The following SPAG16 variants were observed in gnomAD, a reference collection of about 807,000 sequenced individuals.
SPAG16 encodes the protein sperm associated antigen 16.
SPAG16 carries 86 observed loss-of-function variants against 80.4 expected under a neutral mutation model. That is an observed-to-expected ratio of 1.07 (90% confidence interval 0.90 to 1.28). The LOEUF is 1.28. Among genes scored for constraint, SPAG16 ranks in the 50% most tolerant of loss-of-function variants. SPAG16 has a pLI of 0.00. For missense variants in SPAG16, 870 were observed against 765.3 expected (o/e 1.14, Z -1.61); for synonymous variants, 294 against 265.9 (o/e 1.11, Z -1.03).
chr2:214,278,124 G>T (rs186511412), intron 15 of SPAG16, among the ~76,000 whole-genome samples: 105 of 152,332 alleles, frequency 6.9e-4, no homozygotes, highest in Middle Eastern at 3.4e-3. Flanking sequence ...CACCGAGCCA[G>T]GCGCAGGATG....
intron 12 of SPAG16, among the ~76,000 whole-genome samples, chr2:213,943,485 T>G (rs577102608): frequency 6.6e-6 from 1 of 152,136 alleles, no homozygotes; most frequent in Non-Finnish European, 1.5e-5. Context: ...TTGGGAAACA[T>G]GTTATTGGAC....
chr2:214,215,977 T>C (rs1188688696), intron 15 of SPAG16, among the ~76,000 whole-genome samples: 1 of 152,194 alleles, frequency 6.6e-6, no homozygotes, highest in African/African-American at 2.4e-5. Context: ...AAAGGCCTGA[T>C]AGATACCCAT....
chr2:213,479,094 CTTTTTTTTTTTT>C (rs148476714), intron 9 of SPAG16, among the ~76,000 whole-genome samples: 5 of 94,328 alleles, frequency 5.3e-5, no homozygotes, highest in Non-Finnish European at 5.7e-5. Context: ...CACTGGCTTC[CTTTTTTTTTTTT>C]TTTTTTTTTT....
chr2:214,090,944 C>T (rs1393480661), intron 13 of SPAG16, among the ~76,000 whole-genome samples: 1 of 151,860 alleles, frequency 6.6e-6, no homozygotes, highest in African/African-American at 2.4e-5. Context: ...ATGAACAATC[C>T]AAAATCTCGC....
At chr2:213,632,306 T>G (rs1193262076) in intron 10 of SPAG16, among the ~76,000 whole-genome samples, 1 of 152,188 alleles carries the variant, frequency 6.6e-6, no homozygotes, top group East Asian at 1.9e-4. Flanking sequence ...ATGCTATTGA[T>G]ATTTGTCTGT....
intron 11 of SPAG16, among the ~76,000 whole-genome samples, chr2:213,909,150 C>T (rs1478430639): frequency 6.6e-6 from 1 of 152,116 alleles, no homozygotes; most frequent in Non-Finnish European, 1.5e-5. Flanking sequence ...GAATAAAATA[C>T]TTAGGAATCC....
chr2:213,595,011 G>C (rs192751372), intron 10 of SPAG16, among the ~76,000 whole-genome samples: 1 of 151,724 alleles, frequency 6.6e-6, no homozygotes, highest in Admixed American at 6.6e-5. Flanking sequence ...ATTTATTTTA[G>C]AGGGCTTCCT....
chr2:213,980,095 T>C (rs549832408), intron 12 of SPAG16, among the ~76,000 whole-genome samples: 2 of 151,614 alleles, frequency 1.3e-5, no homozygotes, highest in East Asian at 3.9e-4. Context: ...TGGTGGCCTG[T>C]AATCCCAGCA....
chr2:213,354,298 T>A (rs1265663159), intron 7 of SPAG16, among the ~76,000 whole-genome samples: 1 of 152,224 alleles, frequency 6.6e-6, no homozygotes, highest in South Asian at 2.1e-4. Flanking sequence ...GATGGACATT[T>A]GGGTTGGTTC....
At chr2:213,889,240 A>G (rs2106068390) in intron 11 of SPAG16, among the ~76,000 whole-genome samples, 1 of 152,106 alleles carries the variant, frequency 6.6e-6, no homozygotes, top group Non-Finnish European at 1.5e-5. Flanking sequence ...ATAGAAAGTA[A>G]CAACTTAAAT....
At chr2:214,100,414 T>C (rs560541060) in intron 13 of SPAG16, among the ~76,000 whole-genome samples, 19 of 152,122 alleles carry the variant, frequency 1.2e-4, no homozygotes, top group Non-Finnish European at 2.8e-4. Flanking sequence ...CAGGGGTACA[T>C]GTGCAGGTTT....
At chr2:214,241,412 C>T (rs1162391792) in intron 15 of SPAG16, 1 of 151,346 alleles carries the variant, frequency 6.6e-6, no homozygotes, top group Non-Finnish European at 1.5e-5. Flanking sequence ...TAACCTTTAC[C>T]TTTGCAGACT....
At chr2:213,843,740 A>G (rs925980964) in intron 10 of SPAG16, among the ~76,000 whole-genome samples, 5 of 152,046 alleles carry the variant, frequency 3.3e-5, no homozygotes, top group African/African-American at 1.2e-4. Context: ...AGTTCCAGCT[A>G]CTTGGGAGGC....
chr2:214,178,501 C>T (rs10460331), intron 15 of SPAG16, among the ~76,000 whole-genome samples: 2,490 of 151,198 alleles, frequency 0.016, 39 homozygotes, highest in Non-Finnish European at 0.025. Flanking sequence ...CTAGAACTTG[C>T]TAACAAGAAA....
chr2:213,805,969 T>C (rs545543609), intron 10 of SPAG16, among the ~76,000 whole-genome samples: 1 of 152,298 alleles, frequency 6.6e-6, no homozygotes, highest in South Asian at 2.1e-4. Flanking sequence ...TTAGATATAA[T>C]GGTTATTAAT....
At chr2:213,349,093 A>C (rs1475549613) in intron 6 of SPAG16, among the ~76,000 whole-genome samples, 1 of 152,220 alleles carries the variant, frequency 6.6e-6, no homozygotes, top group Non-Finnish European at 1.5e-5. Flanking sequence ...TTTGGAAATT[A>C]AGTAGTATAC....
intron 10 of SPAG16, among the ~76,000 whole-genome samples, chr2:213,800,680 T>A (rs1190935331): frequency 6.6e-6 from 1 of 152,154 alleles, no homozygotes; most frequent in Non-Finnish European, 1.5e-5. Flanking sequence ...AAACTAAAAT[T>A]AAATAATAAA....
Position 213,800,510 on chromosome 2 carries a change from C to T in SPAG16, c.1071-61975C>T, listed in dbSNP as rs571558271. Among the ~76,000 whole-genome samples, 48 of 152,074 alleles carry T rather than the reference C, an allele frequency of 3.2e-4. 2 individuals are homozygous for T. The South Asian group carries it at 4.8e-3, about 15-fold the overall frequency. ...GCCTCCTTGAGTATCTAGGACTACA[C>T]GTGCACACCACCATGCTCGTTTGTT... On this transcript the variant is annotated intron_variant, in intron 10 of 15. Coordinates refer to ENST00000331683, the MANE Select transcript of SPAG16 (RefSeq NM_024532.5).
intron 10 of SPAG16, among the ~76,000 whole-genome samples, chr2:213,497,389 T>C (rs1403943637): frequency 6.6e-6 from 1 of 152,024 alleles, no homozygotes; most frequent in Non-Finnish European, 1.5e-5. Context: ...TAAGTTTGTT[T>C]AGACATTGGG....
Sources: gnomAD v4.1 joint callset for allele counts (sites outside exome capture counted in the v4.1 genomes callset) on GRCh38, gnomAD v4.1.1 for gene constraint, MANE v1.5 for transcripts, NCBI Gene and HGNC (gene_info 2026-07-23, HGNC 2026-07-21) for gene names.